KDM1A: variants seen among roughly 807,000 people sequenced by gnomAD.
KDM1A encodes the protein lysine-specific histone demethylase 1A.
A neutral mutation model predicts 109.4 loss-of-function variants in KDM1A; 49 were observed. The observed-to-expected ratio is 0.45, with a 90% CI of 0.36 to 0.57. The LOEUF (loss-of-function observed/expected upper bound fraction) is 0.57. KDM1A is among the 20% of genes least tolerant of loss of function. The pLI is 0.00. For synonymous variants in KDM1A, 380 were observed against 415.4 expected (o/e 0.91, Z 1.04); for missense variants, 668 against 1,116.6 (o/e 0.60, Z 5.73).
chr1:23,078,977 C>A lies in KDM1A; in HGVS notation c.1868-13C>A. ...TTCATCACCACTAGTCTTTTCCCACCCAACCTCTGCAGGATGTGAAGTGAT... is the reference window on the plus strand; with the variant it reads ...TTCATCACCACTAGTCTTTTCCCACACAACCTCTGCAGGATGTGAAGTGAT... On this transcript the variant is annotated splice_polypyrimidine_tract_variant and intron_variant, in intron 16 of 20. Transcript: ENST00000400181. 6.2e-7 allele frequency: 1 copy of A among 1,608,634 alleles called. No individual in the cohort carries two copies. Among genetic ancestry groups the A allele is most frequent in the Non-Finnish European group, 8.5e-7 (1 of 1,176,102 alleles).
At chr1:23,055,195 A>G (rs1174294324) in intron 6 of KDM1A, 34 bp downstream of exon 6, 2 of 1,355,942 alleles carry the variant, frequency 1.5e-6, no homozygotes, top group East Asian at 4.7e-5. Context: ...TAAATTTTAC[A>G]TTTTTAAGTT....
At chr1:23,035,421 C>G (rs1030314869) in intron 2 of KDM1A, among the ~76,000 whole-genome samples, 9 of 152,156 alleles carry the variant, frequency 5.9e-5, no homozygotes, top group African/African-American at 2.2e-4. Flanking sequence ...AGGCTGATCT[C>G]GAACTCCTGA....
chr1:23,055,941 C>T lies in KDM1A; in HGVS notation c.893C>T (p.Thr298Ile). The change falls in exon 7 of 21, where the codon ACA becomes ATA. Residue 298 changes from threonine to isoleucine, a missense_variant. By Grantham distance (89) the Thr-to-Ile change is moderately conservative. Around this residue, in one of 8 missense-constraint regions of KDM1A, gnomAD observed 149 missense variants for 189.7 expected, o/e 0.79. Coordinates refer to ENST00000400181, the MANE Select transcript of KDM1A (RefSeq NM_001009999.3). ...CATTTTTTGCTTTTAGCTAAAAAGA[C>T]AGGAAAGGTAATTATTATAGGCTCT... ...KRIKPLPTKKTGKVIIIGSGV... is the reference protein window; with the variant it reads ...KRIKPLPTKKIGKVIIIGSGV... 1 of 1,602,566 alleles carries T rather than the reference C, an allele frequency of 6.2e-7. No homozygotes were observed. The highest frequency in any genetic ancestry group is 1.7e-5 in the Admixed American group (1 of 58,614).
intron 2 of KDM1A, among the ~76,000 whole-genome samples, chr1:23,034,417 A>C (rs1001643464): frequency 6.6e-6 from 1 of 152,208 alleles, no homozygotes; most frequent in Non-Finnish European, 1.5e-5. Flanking sequence ...AAATAGAGTC[A>C]AATCTCCTTC....
At chr1:23,077,777 T>C (rs1643508284) in intron 16 of KDM1A, among the ~76,000 whole-genome samples, 1 of 152,232 alleles carries the variant, frequency 6.6e-6, no homozygotes. Flanking sequence ...TGGGCTCCAC[T>C]AGGACCCACC....
At chr1:23,055,017 T>C (rs2124466747) in intron 5 of KDM1A, 52 bp from the exon 6 acceptor site, 1 of 1,128,468 alleles carries the variant, frequency 8.9e-7, no homozygotes, top group Non-Finnish European at 1.3e-6. Flanking sequence ...TAGAAGAATA[T>C]TGTTTAAACT....
At chr1:23,081,988 A>C in intron 19 of KDM1A, 1 of 514,894 alleles carries the variant, frequency 1.9e-6, no homozygotes. Context: ...AGCCCTGTGT[A>C]GATCTCTGGA....
At chr1:23,057,431 G>T in intron 7 of KDM1A, 53 bp from the exon 8 acceptor site, 1 of 1,361,018 alleles carries the variant, frequency 7.3e-7, no homozygotes, top group East Asian at 2.3e-5. Flanking sequence ...TACTATGCCA[G>T]GTTTGTGGTT....
intron 2 of KDM1A, among the ~76,000 whole-genome samples, chr1:23,037,127 T>TACACAC (rs779305833): frequency 1.8e-4 from 20 of 113,124 alleles, no homozygotes; most frequent in African/African-American, 4.0e-4. Flanking sequence ...AAAAAATATA[T>TACACAC]ATACACACAC....
intron 9 of KDM1A, among the ~76,000 whole-genome samples, chr1:23,059,938 T>G (rs1382616871): frequency 6.6e-6 from 1 of 152,180 alleles, no homozygotes; most frequent in Non-Finnish European, 1.5e-5. Flanking sequence ...TTACTAAAAG[T>G]AGTAGGATCC....
chr1:23,054,464 T>C (rs1035565860), intron 5 of KDM1A, among the ~76,000 whole-genome samples: 14 of 152,182 alleles, frequency 9.2e-5, no homozygotes, highest in African/African-American at 3.1e-4. Context: ...CTTCACAGAC[T>C]AATAGTTCTA....
At chr1:23,040,483 A>G (rs915158841) in intron 2 of KDM1A, among the ~76,000 whole-genome samples, 2 of 152,204 alleles carry the variant, frequency 1.3e-5, no homozygotes, top group South Asian at 2.1e-4. Flanking sequence ...GTAGCTGTGT[A>G]CAAATAAGCT....
At chr1:23,070,539 TGGCTCAC>T (rs1229970177) in intron 12 of KDM1A, among the ~76,000 whole-genome samples, 2 of 151,892 alleles carry the variant, frequency 1.3e-5, no homozygotes, top group Non-Finnish European at 2.9e-5. Flanking sequence ...CCAGGCATGG[TGGCTCAC>T]GCCTGTAATC....
intron 14 of KDM1A, 34 bp from the exon 15 acceptor site, chr1:23,073,258 T>C: frequency 8.7e-7 from 1 of 1,144,896 alleles, no homozygotes; most frequent in Non-Finnish European, 1.3e-6. Flanking sequence ...AGTGATATCT[T>C]TTAATAATCC....
At chr1:23,052,427 CTG>C (rs1435099722) in intron 4 of KDM1A, among the ~76,000 whole-genome samples, 1 of 152,168 alleles carries the variant, frequency 6.6e-6, no homozygotes, top group African/African-American at 2.4e-5. Context: ...AGTAGAGTAT[CTG>C]TGTGGATTTG....
chr1:23,082,413 A>G (rs1362696399), intron 20 of KDM1A, 47 bp downstream of exon 20: 1 of 1,503,194 alleles, frequency 6.7e-7, no homozygotes, highest in African/African-American at 1.4e-5. Context: ...AGAGGCCAGG[A>G]TCTCATGATG....
rs1213726957 is a variant in KDM1A at position 23,019,550 on chromosome 1, G to T, written c.-47G>T. 1.5e-6 allele frequency: 2 copies of T among 1,348,700 alleles called. No homozygotes were observed. Among genetic ancestry groups the T allele is most frequent in the African/African-American group, 3.0e-5 (2 of 66,332 alleles). 83.5% of individuals were successfully genotyped at this position (1,348,700 alleles called of 1,614,324 possible). ...GCAAGGCTTTTCGGACCCACGGAGC[G>T]ACAGAGCGAGCGGCCCCTACGGCCG... On this transcript the variant is annotated 5_prime_UTR_variant, in exon 1 of 21. Coordinates refer to ENST00000400181, the MANE Select transcript of KDM1A (RefSeq NM_001009999.3).
At chr1:23,042,543 C>T (rs1642377995) in intron 2 of KDM1A, among the ~76,000 whole-genome samples, 2 of 143,650 alleles carry the variant, frequency 1.4e-5, no homozygotes, top group African/African-American at 2.6e-5. Flanking sequence ...AGCTCCGCCT[C>T]CCGGGTTCAC....
rs185494442 is a variant in KDM1A at position 23,022,736 on chromosome 1, A to G, written c.351+2789A>G. Among the ~76,000 whole-genome samples, 413 of 131,900 alleles carry G rather than the reference A, an allele frequency of 3.1e-3. 4 individuals are homozygous for G. Among genetic ancestry groups the G allele is most frequent in the African/African-American group, 0.011 (382 of 33,988 alleles). The allele number at this position is 131,900 out of a possible 152,430, so 86.5% of individuals were successfully genotyped here. ...TGCAGTGATGTGATCTCGGCTTACT[A>G]CAGCCTCCTCCTCCTGGGTTCAAGC... is the stretch of plus-strand genomic sequence containing the variant. On this transcript the variant is annotated intron_variant, in intron 1 of 20. Transcript: ENST00000400181.
Sources: allele counts gnomAD v4.1 joint callset (sites outside exome capture counted in the v4.1 genomes callset), GRCh38; gene constraint gnomAD v4.1.1; regional missense constraint gnomAD v4.1.1; transcripts MANE v1.5; gene names NCBI Gene and HGNC (gene_info 2026-07-23, HGNC 2026-07-21).